Variants in FAM83B observed in about 807,000 individuals in gnomAD.
The protein encoded by FAM83B is protein FAM83B.
In FAM83B, 26 loss-of-function variants were observed where a neutral mutation model predicts 38.8. The ratio of observed to expected loss-of-function variants is 0.67; its 90% CI spans 0.49 to 0.93. The LOEUF is 0.93. Among genes scored for constraint, FAM83B ranks in the 40% least tolerant of loss-of-function variants. The pLI is 0.00. For synonymous variants in FAM83B, 419 were observed against 423.1 expected (o/e 0.99, Z 0.12); for missense variants, 1,237 against 1,197.3 (o/e 1.03, Z -0.49).
In FAM83B at chr6:54,942,519, A is replaced by G. The variant is rs185882860; in HGVS notation, c.*512A>G. On this transcript the variant is annotated 3_prime_UTR_variant, in exon 5 of 5. Coordinates refer to ENST00000306858, the MANE Select transcript of FAM83B (RefSeq NM_001010872.3). ...TATTATTTTTTCTGTGGATCATTGT[A>G]CAGCTGTTTGGGCAACAGCAGTACC... is the stretch of plus-strand genomic sequence containing the variant. Among the ~76,000 whole-genome samples, 113 of 152,156 alleles carry G rather than the reference A, an allele frequency of 7.4e-4. No homozygotes were observed. Among genetic ancestry groups the G allele is most frequent in the African/African-American group, 2.6e-3 (109 of 41,512 alleles).
chr6:54,933,616 T>C (rs1773469741), intron 4 of FAM83B, among the ~76,000 whole-genome samples: 1 of 152,092 alleles, frequency 6.6e-6, no homozygotes, highest in Admixed American at 6.6e-5. Flanking sequence ...CCTCTCCCAG[T>C]CTTTGTATAC....
Position 54,941,059 on chromosome 6 carries a change from A to G in FAM83B, c.2088A>G (p.Pro696=). The part of the protein sequence containing the change: ...STLTRNRVRQ[P]EKPKEDLLKS... ...TTACCAGGAATCGAGTTAGACAACC[A>G]GAAAAGCCCAAAGAAGATTTGCTGA... The change falls in exon 5 of 5, where the codon CCA becomes CCG. Residue 696 remains proline (P), a synonymous_variant. Coordinates refer to ENST00000306858, the MANE Select transcript of FAM83B (RefSeq NM_001010872.3). The G allele has an allele frequency of 1.9e-6, 3 of 1,613,550 alleles. No individual in the cohort carries two copies. Among genetic ancestry groups the G allele is most frequent in the South Asian group, 1.1e-5 (1 of 90,902 alleles).
chr6:54,874,663 C>T (rs531261944), intron 2 of FAM83B, among the ~76,000 whole-genome samples: 19 of 152,182 alleles, frequency 1.2e-4, no homozygotes, highest in Admixed American at 5.9e-4. Context: ...AAAGTTATAA[C>T]TTCTGAGAGT....
At chr6:54,872,769 C>T (rs142268632) in intron 2 of FAM83B, among the ~76,000 whole-genome samples, 10 of 152,186 alleles carry the variant, frequency 6.6e-5, no homozygotes, top group South Asian at 4.2e-4. Flanking sequence ...CTTGAATTAG[C>T]GAGCTGAAGA....
chr6:54,873,014 AT>A (rs1348488018), intron 2 of FAM83B, among the ~76,000 whole-genome samples: 20 of 148,178 alleles, frequency 1.3e-4, no homozygotes, highest in Admixed American at 4.0e-4. Context: ...AATTTTATTT[AT>A]TTTATTTTTT....
In FAM83B at chr6:54,926,381, T is replaced by C; in HGVS notation, c.455T>C (p.Leu152Ser). The change falls in exon 3 of 5, where the codon TTA becomes TCA. Residue 152 changes from leucine (L) to serine (S), a missense_variant. By Grantham distance (145) the Leu-to-Ser change is moderately radical. Transcript: ENST00000306858. ...MIKEARKVIA[L>S]VMDIFTDVDI... ...TCTTATATTTAACAGGTCATTGCTT[T>C]AGTGATGGATATATTTACAGATGTG... The C allele has an allele frequency of 6.3e-7, 1 of 1,591,830 alleles. No homozygotes were observed. The highest frequency in any genetic ancestry group is 8.6e-7 in the Non-Finnish European group (1 of 1,166,902).
At chr6:54,876,547 G>C (rs1249263657) in intron 2 of FAM83B, among the ~76,000 whole-genome samples, 2 of 151,388 alleles carry the variant, frequency 1.3e-5, no homozygotes, top group Non-Finnish European at 1.5e-5. Flanking sequence ...CTGGTCTCCT[G>C]ACCTCAGGTG....
chr6:54,883,320 AT>A (rs1332995809), intron 2 of FAM83B, among the ~76,000 whole-genome samples: 2,243 of 126,156 alleles, frequency 0.018, 69 homozygotes, highest in African/African-American at 0.061. Context: ...TTTTTTAGTG[AT>A]TTTTTTTTAA....
chr6:54,862,151 A>G (rs1204645648), intron 1 of FAM83B, among the ~76,000 whole-genome samples: 1 of 152,210 alleles, frequency 6.6e-6, no homozygotes, highest in Admixed American at 6.5e-5. Flanking sequence ...TTTAATGTTT[A>G]ACTTCTACAT....
chr6:54,908,648 G>A (rs1772831050), intron 2 of FAM83B, among the ~76,000 whole-genome samples: 1 of 152,128 alleles, frequency 6.6e-6, no homozygotes, highest in African/African-American at 2.4e-5. Flanking sequence ...TAGAGACAAT[G>A]TACAATTCAA....
At chr6:54,896,614 C>T (rs1448750161) in intron 2 of FAM83B, among the ~76,000 whole-genome samples, 3 of 152,140 alleles carry the variant, frequency 2.0e-5, no homozygotes, top group African/African-American at 4.8e-5. Flanking sequence ...AAAAGAATAC[C>T]ATAAACACAG....
At chr6:54,856,974 C>T (rs1269846125) in intron 1 of FAM83B, among the ~76,000 whole-genome samples, 1 of 152,130 alleles carries the variant, frequency 6.6e-6, no homozygotes, top group Non-Finnish European at 1.5e-5. Flanking sequence ...TGTCCACTTA[C>T]ACAATTGGCA....
In FAM83B at chr6:54,945,024, A is replaced by G. The variant is rs1327399993; in HGVS notation, c.*3017A>G. 6.6e-6 allele frequency: 1 copy of G among 152,190 alleles called. No individual in the cohort carries two copies. Among genetic ancestry groups the G allele is most frequent in the African/African-American group, 2.4e-5 (1 of 41,450 alleles). 9.4% of individuals were successfully genotyped at this position (152,190 alleles called of 1,614,324 possible). ...ACATTTTATGTATGTACGATATTAT[A>G]AAGAAATATTCTTCCAAATGAACTT... On this transcript the variant is annotated 3_prime_UTR_variant, in exon 5 of 5. Coordinates refer to ENST00000306858, the MANE Select transcript of FAM83B (RefSeq NM_001010872.3).
At position 54,893,628 on chromosome 6, in the gene FAM83B, C is replaced by T. The variant is rs552558449; in HGVS notation, c.444+22938C>T. Among the ~76,000 whole-genome samples the T allele has an allele frequency of 1.1e-4, 17 of 152,126 alleles. 1 individual carries two copies. In the South Asian group the frequency reaches 2.1e-3, roughly 19 times the overall value. ...CATACATGAACCAATTAAAGAATTA[C>T]GATTCTACTACATTAAGTTGTATAT... On this transcript the variant is annotated intron_variant, in intron 2 of 4. Transcript: ENST00000306858.
At position 54,941,670 on chromosome 6, in the gene FAM83B, G is replaced by A. The variant is rs1328979712; in HGVS notation, c.2699G>A (p.Arg900Lys). 1.9e-6 allele frequency: 3 copies of A among 1,614,072 alleles called. No homozygotes were observed. The highest frequency in any genetic ancestry group is 3.3e-5 in the Admixed American group (2 of 59,984). ...GAACAGATCCAATACCGAGATTCAAGGGAGATTAATGCAGTTGTTACCCCT... is the reference window on the plus strand; with the variant it reads ...GAACAGATCCAATACCGAGATTCAAAGGAGATTAATGCAGTTGTTACCCCT... Reference protein sequence around the residue: ...NTEQIQYRDSREINAVVTPER... With the variant: ...NTEQIQYRDSKEINAVVTPER... Residue 900 changes from arginine (R) to lysine (K), a missense_variant, in exon 5 of 5, where the codon AGG (arginine) becomes AAG (lysine). Transcript: ENST00000306858.
intron 2 of FAM83B, among the ~76,000 whole-genome samples, chr6:54,876,138 G>T (rs906079245): frequency 1.3e-5 from 2 of 151,652 alleles, no homozygotes; most frequent in African/African-American, 4.8e-5. Context: ...ACTGAGAAAA[G>T]AATTTAGCTT....
intron 1 of FAM83B, among the ~76,000 whole-genome samples, chr6:54,858,863 G>T (rs760004468): frequency 5.3e-5 from 8 of 151,960 alleles, no homozygotes; most frequent in Non-Finnish European, 1.2e-4. Context: ...TTATGTTTTT[G>T]ATATAGATCT....
chr6:54,936,355 A>T (rs1249799628), intron 4 of FAM83B, among the ~76,000 whole-genome samples: 1 of 152,050 alleles, frequency 6.6e-6, no homozygotes, highest in Non-Finnish European at 1.5e-5. Context: ...TTCTTTTGAC[A>T]TGAAGTCTTT....
At chr6:54,912,604 T>C (rs1561922790) in intron 2 of FAM83B, among the ~76,000 whole-genome samples, 1 of 151,932 alleles carries the variant, frequency 6.6e-6, no homozygotes, top group East Asian at 1.9e-4. Context: ...TGTTTATAGA[T>C]TATCTATTTT....
Sources: gnomAD v4.1 joint callset for allele counts (sites outside exome capture counted in the v4.1 genomes callset) on GRCh38, gnomAD v4.1.1 for gene constraint, MANE v1.5 for transcripts, NCBI Gene and HGNC (gene_info 2026-07-23, HGNC 2026-07-21) for gene names.